Variants in MTMR3 observed in about 807,000 individuals in gnomAD.
MTMR3 encodes myotubularin related protein 3, also known as phosphatidylinositol-3,5-bisphosphate 3-phosphatase MTMR3.
MTMR3 carries 32 observed loss-of-function variants against 132.4 expected under a neutral mutation model. The observed-to-expected ratio is 0.24, with a 90% CI of 0.18 to 0.32. The LOEUF is 0.32. Among genes scored for constraint, MTMR3 ranks in the 10% least tolerant of loss-of-function variants. The probability of loss-of-function intolerance (pLI) is 1.00; values close to 1 mark genes in which losing one functional copy is unlikely to be tolerated. For missense variants in MTMR3, 1,216 were observed against 1,489.6 expected (o/e 0.82, Z 3.02); for synonymous variants, 556 against 550.3 (o/e 1.01, Z -0.14).
Position 30,030,507 on chromosome 22 carries a change from A to G in MTMR3, c.*4706A>G, listed in dbSNP as rs943353549. 1 of 152,004 alleles carries G rather than the reference A, an allele frequency of 6.6e-6. No individual in the cohort carries two copies. Among genetic ancestry groups the G allele is most frequent in the African/African-American group, 2.4e-5 (1 of 41,334 alleles). 9.4% of individuals were successfully genotyped at this position (152,004 alleles called of 1,614,324 possible). On this transcript the variant is annotated 3_prime_UTR_variant, in exon 20 of 20. Coordinates refer to ENST00000401950, the MANE Select transcript of MTMR3 (RefSeq NM_021090.4). ...AATAAATCTGTCATTTTCACCCACA[A>G]ACAGTTGTTGAGCCCCTGGATTTGG...
chr22:29,969,520 C>T (rs1284334898), intron 2 of MTMR3, among the ~76,000 whole-genome samples: 1 of 151,546 alleles, frequency 6.6e-6, no homozygotes, highest in Non-Finnish European at 1.5e-5. Context: ...CAAAATGATT[C>T]TTTTTTTTGT....
At chr22:29,914,199 G>A (rs1453743492) in intron 1 of MTMR3, among the ~76,000 whole-genome samples, 3 of 152,260 alleles carry the variant, frequency 2.0e-5, no homozygotes, top group Admixed American at 6.5e-5. Flanking sequence ...TTAAAGTAAC[G>A]GCCTATTTTG....
intron 1 of MTMR3, among the ~76,000 whole-genome samples, chr22:29,883,974 T>G (rs1211988403): frequency 1.3e-5 from 2 of 152,196 alleles, no homozygotes; most frequent in Non-Finnish European, 2.9e-5. Flanking sequence ...CGCAAATGAT[T>G]ACAGTGTTAT....
intron 11 of MTMR3, chr22:30,008,808 C>T: frequency 4.5e-6 from 2 of 449,390 alleles, no homozygotes; most frequent in South Asian, 4.3e-5. Context: ...TCTAACCTTC[C>T]CTTTTCACGC....
intron 1 of MTMR3, among the ~76,000 whole-genome samples, chr22:29,944,408 T>A (rs1048688922): frequency 6.6e-6 from 1 of 152,046 alleles, no homozygotes; most frequent in African/African-American, 2.4e-5. Flanking sequence ...TATTCTAGAT[T>A]AAGTATCCTC....
At chr22:29,886,551 C>G (rs1200917462) in intron 1 of MTMR3, among the ~76,000 whole-genome samples, 1 of 152,104 alleles carries the variant, frequency 6.6e-6, no homozygotes, top group Non-Finnish European at 1.5e-5. Context: ...AATTAAGGGC[C>G]TATAGTCTTT....
chr22:29,888,476 AAG>A, intron 1 of MTMR3, among the ~76,000 whole-genome samples: 1 of 152,254 alleles, frequency 6.6e-6, no homozygotes. Flanking sequence ...CGAAAACAAA[AAG>A]AAAATTGTGA....
chr22:29,936,308 A>G (rs964128328), intron 1 of MTMR3, among the ~76,000 whole-genome samples: 3 of 152,208 alleles, frequency 2.0e-5, no homozygotes, highest in Non-Finnish European at 4.4e-5. Flanking sequence ...TTGCAGACTC[A>G]TTAATAAACT....
At chr22:29,969,230 A>G (rs756678688) in intron 2 of MTMR3, among the ~76,000 whole-genome samples, 17 of 152,120 alleles carry the variant, frequency 1.1e-4, no homozygotes, top group Non-Finnish European at 1.6e-4. Flanking sequence ...AGAAGAATAG[A>G]TTTTTCTTAC....
At chr22:29,996,520 GA>G (rs1312152724) in intron 7 of MTMR3, 1 of 152,066 alleles carries the variant, frequency 6.6e-6, no homozygotes, top group Admixed American at 6.6e-5. Flanking sequence ...TAATGTAAAA[GA>G]TCATTAATGT....
intron 2 of MTMR3, among the ~76,000 whole-genome samples, chr22:29,964,859 A>G (rs1448900052): frequency 1.3e-5 from 2 of 152,162 alleles, no homozygotes; most frequent in Non-Finnish European, 2.9e-5. Context: ...TAAACTTACT[A>G]CTATTCACAT....
At chr22:29,920,531 T>C (rs2065390521) in intron 1 of MTMR3, among the ~76,000 whole-genome samples, 1 of 152,232 alleles carries the variant, frequency 6.6e-6, no homozygotes, top group Non-Finnish European at 1.5e-5. Context: ...TGTTATGTTA[T>C]ATTTGTTTGG....
rs770933269 is a variant in MTMR3, at chr22:30,007,239, G to A, written c.797G>A (p.Arg266Gln). 1.1e-5 allele frequency: 18 copies of A among 1,614,070 alleles called. No homozygotes were observed. The highest frequency in any genetic ancestry group is 1.6e-4 in the Middle Eastern group (1 of 6,080). ...SVAKACASDS[R>Q]SSGSKLSTRN... ...GCCAAAGCTTGTGCCTCTGACTCCC[G>A]ATCGAGTGGCAGCAAGCTGTCAACT... The change falls in exon 10 of 20, where the codon CGA (arginine) becomes CAA (glutamine). Residue 266 changes from arginine (R) to glutamine (Q), a missense_variant. By Grantham distance (43) the Arg-to-Gln change is conservative. This residue lies in a region of MTMR3 where 129 missense variants were observed against 245.7 expected (regional missense o/e 0.53). Coordinates refer to ENST00000401950, the MANE Select transcript of MTMR3 (RefSeq NM_021090.4).
In MTMR3 at chr22:30,012,106, G is replaced by A. The variant is rs2067446633; in HGVS notation, c.1122-262G>A. On this transcript the variant is annotated intron_variant, in intron 12 of 19. Transcript: ENST00000401950. Reference sequence around the variant, plus strand: ...CTGAAAAATGTCAAATATTTTGCCCGGGGAATCATCCATACAGATTTTGGA... The same window carrying A: ...CTGAAAAATGTCAAATATTTTGCCCAGGGAATCATCCATACAGATTTTGGA... The A allele has an allele frequency of 1.2e-5, 4 of 335,092 alleles. No individual in the cohort carries two copies. The South Asian group carries it at 2.1e-4, about 17-fold the overall frequency. The allele number at this position is 335,092 out of a possible 1,614,324, so 20.8% of individuals were successfully genotyped here. A position where few individuals can be genotyped will look rare whatever the true frequency, so the allele number is the denominator to read the frequency against.
At chr22:29,917,085 T>C (rs1488730569) in intron 1 of MTMR3, among the ~76,000 whole-genome samples, 2 of 152,348 alleles carry the variant, frequency 1.3e-5, no homozygotes, top group East Asian at 3.9e-4. Flanking sequence ...GTGGAAATAA[T>C]TCAAACAGGA....
chr22:29,903,564 T>G (rs115744542), intron 1 of MTMR3, among the ~76,000 whole-genome samples: 1,824 of 151,164 alleles, frequency 0.012, 20 homozygotes, highest in African/African-American at 0.028. Context: ...ATTTTTGTGG[T>G]TTTTTTTGCA....
intron 1 of MTMR3, among the ~76,000 whole-genome samples, chr22:29,883,666 G>T (rs993904344): frequency 2.2e-4 from 33 of 152,302 alleles, no homozygotes; most frequent in African/African-American, 7.9e-4. Flanking sequence ...GGATGGGCCC[G>T]TGCGGCTCTG....
intron 8 of MTMR3, chr22:30,001,483 G>A (rs1434065701): frequency 6.6e-6 from 1 of 152,308 alleles, no homozygotes; most frequent in Non-Finnish European, 1.5e-5. Context: ...AGCCCAGGAG[G>A]TCGAGGCTGC....
At chr22:29,892,911 A>T (rs1488873455) in intron 1 of MTMR3, among the ~76,000 whole-genome samples, 3 of 152,244 alleles carry the variant, frequency 2.0e-5, no homozygotes, top group African/African-American at 7.2e-5. Context: ...ATATCTTCTT[A>T]GGTCATCACA....
Sources: allele counts gnomAD v4.1 joint callset (sites outside exome capture counted in the v4.1 genomes callset), GRCh38; gene constraint gnomAD v4.1.1; regional missense constraint gnomAD v4.1.1; transcripts MANE v1.5; gene names NCBI Gene and HGNC (gene_info 2026-07-23, HGNC 2026-07-21).